KDM2B: variants seen among roughly 807,000 people sequenced by gnomAD.
KDM2B encodes lysine-specific demethylase 2B.
A neutral mutation model predicts 150.0 loss-of-function variants in KDM2B; 26 were observed. That is an observed-to-expected ratio of 0.17 (90% CI 0.13 to 0.24). The LOEUF (loss-of-function observed/expected upper bound fraction) is 0.24. KDM2B is among the 10% of genes least tolerant of loss of function. KDM2B has a pLI of 1.00. For synonymous variants in KDM2B, 734 were observed against 729.5 expected (o/e 1.01, Z -0.10); for missense variants, 1,265 against 1,816.9 (o/e 0.70, Z 5.52).
chr12:121,485,327 G>T (rs1160149649), intron 12 of KDM2B, among the ~76,000 whole-genome samples: 2 of 152,086 alleles, frequency 1.3e-5, no homozygotes, highest in Admixed American at 1.3e-4. Context: ...ATCATTCTGT[G>T]ATCGGGTTTC....
Position 121,430,480 on chromosome 12 carries a change from G to T in KDM2B, c.3830-11C>A. On this transcript the variant is annotated splice_polypyrimidine_tract_variant and intron_variant, in intron 22 of 22. Coordinates refer to ENST00000377071, the MANE Select transcript of KDM2B (RefSeq NM_032590.5). The surrounding 1 kb of genome is among the most constrained non-coding windows in gnomAD (Gnocchi z 4.4). Reference sequence around the variant, plus strand: ...TGACCTTATTGCAGTCTGCAGAGAAGAAATAGTAATGTGAGGTGTGAAGGC... The same window carrying T: ...TGACCTTATTGCAGTCTGCAGAGAATAAATAGTAATGTGAGGTGTGAAGGC... The T allele has an allele frequency of 1.9e-6, 3 of 1,607,504 alleles. No homozygotes were observed. Among genetic ancestry groups the T allele is most frequent in the Non-Finnish European group, 2.6e-6 (3 of 1,173,952 alleles).
At chr12:121,480,583 C>CAAAAA (rs35490517) in intron 12 of KDM2B, among the ~76,000 whole-genome samples, 14 of 63,220 alleles carry the variant, frequency 2.2e-4, no homozygotes, top group East Asian at 4.8e-4. Flanking sequence ...CTGTCGCTAC[C>CAAAAA]AAAAAAAAAA....
intron 4 of KDM2B, among the ~76,000 whole-genome samples, chr12:121,557,956 G>C (rs560272662): frequency 6.6e-6 from 1 of 152,256 alleles, no homozygotes; most frequent in East Asian, 1.9e-4. Flanking sequence ...AGCGGATCAC[G>C]GGGCCAACAC....
chr12:121,413,309 A>T, the KDM2B span, among the ~76,000 whole-genome samples: 1 of 151,982 alleles, frequency 6.6e-6, no homozygotes, highest in East Asian at 1.9e-4. Context: ...TTACAGGCAT[A>T]AGCCACTGAG....
intron 12 of KDM2B, among the ~76,000 whole-genome samples, chr12:121,492,829 C>CA (rs113217508): frequency 0.18 from 24,997 of 136,654 alleles, 3,285 homozygotes; most frequent in African/African-American, 0.39. Context: ...AACTCCGTCT[C>CA]AAAAAAAAAA....
At chr12:121,541,107 C>A (rs1438075760) in intron 6 of KDM2B, among the ~76,000 whole-genome samples, 3 of 151,890 alleles carry the variant, frequency 2.0e-5, no homozygotes, top group Non-Finnish European at 4.4e-5. Flanking sequence ...TGGCACATGC[C>A]TGTAATCCCA....
rs1886451373 is a variant in KDM2B, at chr12:121,518,861, A to G, written c.1047+2124T>C. 6.6e-6 allele frequency among the ~76,000 whole-genome samples: 1 copy of G among 152,196 alleles called. No homozygotes were observed. Among genetic ancestry groups the G allele is most frequent in the Non-Finnish European group, 1.5e-5 (1 of 68,030 alleles). On this transcript the variant is annotated intron_variant, in intron 9 of 22. Coordinates refer to ENST00000377071, the MANE Select transcript of KDM2B (RefSeq NM_032590.5). The surrounding 1 kb of genome is among the most constrained non-coding windows in gnomAD (Gnocchi z 4.4). The stretch of plus-strand genomic sequence containing the variant: ...TGGCCTGTACTCCAGGACAGGCCAA[A>G]GAACAGTTGGCCGGAGCCCCAGACA...
chr12:121,514,220 C>A (rs1342846605), intron 9 of KDM2B, among the ~76,000 whole-genome samples: 3 of 152,138 alleles, frequency 2.0e-5, no homozygotes, highest in Non-Finnish European at 2.9e-5. Context: ...CTCAAGCGAC[C>A]CTCCTGCCTC....
intron 11 of KDM2B, among the ~76,000 whole-genome samples, chr12:121,509,196 C>T (rs1427537557): frequency 6.6e-6 from 1 of 152,066 alleles, no homozygotes; most frequent in South Asian, 2.1e-4. Flanking sequence ...GTAGCTGGGA[C>T]TACAGGCATA....
Position 121,442,375 on chromosome 12 carries a change from G to A in KDM2B, c.3066C>T (p.Val1022=). ...LGPSLRSPPR[V]ISRPPPSVSP... is the part of the protein sequence containing the mutation. Reference sequence around the variant, plus strand: ...ACACGGAGGGTGGGGGCCGGGAGATGACACGGGGCGGGCTGCGCAGGCTGG... The same window carrying A: ...ACACGGAGGGTGGGGGCCGGGAGATAACACGGGGCGGGCTGCGCAGGCTGG... The change falls in exon 19 of 23, where the codon GTC becomes GTT. Residue 1022 remains valine, a synonymous_variant. Coordinates refer to ENST00000377071, the MANE Select transcript of KDM2B (RefSeq NM_032590.5). This position sits in a 1 kb window ranked among gnomAD's most constrained non-coding sequence, Gnocchi z 7.7. 1 of 1,572,540 alleles carries A rather than the reference G, an allele frequency of 6.4e-7. No individual in the cohort carries two copies. The highest frequency in any genetic ancestry group is 8.6e-7 in the Non-Finnish European group (1 of 1,156,280).
At chr12:121,523,785 C>T (rs1183357179) in intron 8 of KDM2B, among the ~76,000 whole-genome samples, 8 of 152,362 alleles carry the variant, frequency 5.3e-5, no homozygotes, top group East Asian at 1.9e-4. Flanking sequence ...TAGGCAACCT[C>T]GTTCTGTGCC....
intron 12 of KDM2B, among the ~76,000 whole-genome samples, chr12:121,486,255 C>T (rs1555298899): frequency 6.6e-6 from 1 of 151,318 alleles, no homozygotes; most frequent in East Asian, 1.9e-4. Context: ...ATTACAGGTG[C>T]CCACCACCAT....
chr12:121,471,838 A>C (rs1311951314), intron 12 of KDM2B, among the ~76,000 whole-genome samples: 1 of 152,170 alleles, frequency 6.6e-6, no homozygotes, highest in Non-Finnish European at 1.5e-5. Context: ...TCATTTGTAA[A>C]CATGCCCCTA....
the KDM2B span, chr12:121,418,005 C>CTT: frequency 2.0e-5 from 26 of 1,314,650 alleles, no homozygotes; most frequent in Admixed American, 5.4e-4. Context: ...TTCTGATAAA[C>CTT]TTCAAGTCAT....
intron 4 of KDM2B, among the ~76,000 whole-genome samples, chr12:121,552,097 A>G (rs1051579137): frequency 3.9e-5 from 6 of 152,162 alleles, no homozygotes; most frequent in Admixed American, 2.0e-4. Flanking sequence ...CTTACTACCA[A>G]TTACAACCAT....
At chr12:121,466,781 G>C (rs1451278591) in intron 12 of KDM2B, among the ~76,000 whole-genome samples, 1 of 146,814 alleles carries the variant, frequency 6.8e-6, no homozygotes, top group East Asian at 2.0e-4. Context: ...GCCGGCACGC[G>C]CGTGGGCCGC....
At chr12:121,568,652 G>A (rs191580712) in intron 4 of KDM2B, among the ~76,000 whole-genome samples, 2 of 152,172 alleles carry the variant, frequency 1.3e-5, no homozygotes, top group Admixed American at 6.5e-5. Context: ...TCATCCAAGG[G>A]GCTAGAAGTC....
chr12:121,534,454 A>G, intron 7 of KDM2B, 43 bp downstream of exon 7: 2 of 1,449,472 alleles, frequency 1.4e-6, no homozygotes, highest in Non-Finnish European at 1.9e-6. Context: ...CCCCACACAA[A>G]CAGCTAGAGA....
At chr12:121,487,385 C>T (rs987524237) in intron 12 of KDM2B, among the ~76,000 whole-genome samples, 6 of 152,192 alleles carry the variant, frequency 3.9e-5, no homozygotes, top group African/African-American at 1.4e-4. Context: ...AGGAGGAACA[C>T]GTTTGGGATT....
Sources: gnomAD v4.1 joint callset for allele counts (sites outside exome capture counted in the v4.1 genomes callset) on GRCh38, gnomAD v4.1.1 for gene constraint, Gnocchi (gnomAD v3.1) non-coding constraint, MANE v1.5 for transcripts, NCBI Gene and HGNC (gene_info 2026-07-23, HGNC 2026-07-21) for gene names.